EPHA5: variants seen among roughly 807,000 people sequenced by gnomAD.
EPHA5 encodes EPH receptor A5.
In EPHA5, 60 loss-of-function variants were observed where a neutral mutation model predicts 105.0. That is an observed-to-expected ratio of 0.57 (90% confidence interval 0.46 to 0.71). The LOEUF (loss-of-function observed/expected upper bound fraction) is 0.71, where lower values mean the gene tolerates loss of function less well. Among genes scored for constraint, EPHA5 ranks in the 30% least tolerant of loss-of-function variants. The pLI, the probability that EPHA5 is intolerant of heterozygous loss-of-function variation, is 0.00. For synonymous variants in EPHA5, 513 were observed against 449.1 expected, an observed-to-expected ratio of 1.14 and a Z score of -1.80; for missense variants, 1,218 against 1,274.7, an observed-to-expected ratio of 0.96 and a Z score of 0.68.
chr4:65,379,891 T>C (rs923031769), intron 8 of EPHA5, among the ~76,000 whole-genome samples: 8 of 151,790 alleles, frequency 5.3e-5, no homozygotes, highest in Non-Finnish European at 7.4e-5. Flanking sequence ...TTAAGAAAAC[T>C]AAGACAAGTT....
At chr4:65,590,032 C>T (rs573596222) in intron 3 of EPHA5, among the ~76,000 whole-genome samples, 14 of 152,238 alleles carry the variant, frequency 9.2e-5, no homozygotes, top group African/African-American at 3.1e-4. Context: ...TGTGATTCTC[C>T]TTTACAATCA....
At chr4:65,475,027 T>C (rs1466370852) in intron 5 of EPHA5, among the ~76,000 whole-genome samples, 1 of 152,130 alleles carries the variant, frequency 6.6e-6, no homozygotes, top group African/African-American at 2.4e-5. Flanking sequence ...TGTGTACATT[T>C]GATAAAGGAG....
chr4:65,323,929 G>T lies in EPHA5; in HGVS notation c.*185C>A. The T allele has an allele frequency of 2.2e-6, 1 of 457,440 alleles. No homozygotes were observed. Among genetic ancestry groups the T allele is most frequent in the Non-Finnish European group, 3.9e-6 (1 of 254,756 alleles). The allele number at this position is 457,440 out of a possible 1,614,324, so 28.3% of individuals were successfully genotyped here. ...ATATGTTTGCTTCATGAAAAATGAA[G>T]ACTAAGGACTAAGAACTGGATACTT... On this transcript the variant is annotated 3_prime_UTR_variant, in exon 17 of 17. Coordinates refer to ENST00000613740, the MANE Select transcript of EPHA5 (RefSeq NM_001281766.3).
chr4:65,540,367 C>T (rs749506026), intron 3 of EPHA5, among the ~76,000 whole-genome samples: 1 of 151,368 alleles, frequency 6.6e-6, no homozygotes, highest in African/African-American at 2.4e-5. Flanking sequence ...CTGTCACTGG[C>T]AACACTATAG....
At chr4:65,587,569 A>T (rs1465527699) in intron 3 of EPHA5, among the ~76,000 whole-genome samples, 1 of 152,114 alleles carries the variant, frequency 6.6e-6, no homozygotes, top group African/African-American at 2.4e-5. Flanking sequence ...TGTTGAGCTT[A>T]TGCCAAAAGG....
chr4:65,663,698 T>G (rs1277801052), intron 1 of EPHA5, among the ~76,000 whole-genome samples: 1 of 152,022 alleles, frequency 6.6e-6, no homozygotes, highest in African/African-American at 2.4e-5. Flanking sequence ...CACTCAAATA[T>G]TTCTTATTGT....
In EPHA5 at chr4:65,322,717, C is replaced by A; in HGVS notation, c.*1397G>T. On this transcript the variant is annotated 3_prime_UTR_variant, in exon 17 of 17. Coordinates refer to ENST00000613740, the MANE Select transcript of EPHA5 (RefSeq NM_001281766.3). ...TTGGTTCAATAAAATAAACTCAAAGCCATGTAACTGAATACAAACTGAAAT... is the reference window on the plus strand; with the variant it reads ...TTGGTTCAATAAAATAAACTCAAAGACATGTAACTGAATACAAACTGAAAT... The A allele has an allele frequency of 4.4e-6, 1 of 225,540 alleles. No individual in the cohort carries two copies. The highest frequency in any genetic ancestry group is 8.8e-6 in the Non-Finnish European group (1 of 113,366). The allele number at this position is 225,540 out of a possible 1,614,324, so 14.0% of individuals were successfully genotyped here.
Position 65,351,526 on chromosome 4 carries a change from G to T in EPHA5, c.2308C>A (p.Leu770Ile). The T allele has an allele frequency of 6.2e-7, 1 of 1,613,682 alleles. No individual in the cohort carries two copies. The highest frequency in any genetic ancestry group is 8.5e-7 in the Non-Finnish European group (1 of 1,179,800). Residue 770 changes from leucine (L) to isoleucine (I), a missense_variant, in exon 13 of 17, where the codon CTT becomes ATT. This residue lies in a region of EPHA5 where 971 missense variants were observed against 1,013.5 expected (regional missense o/e 0.96). Transcript: ENST00000613740. ...LRGISAGMKY[L>I]SDMGYVHRDL... ...CTATGCACATAGCCCATGTCAGAAA[G>T]GTACTTCATTCCTGCAGAGATACCT...
chr4:65,516,932 G>T (rs1030387444), intron 3 of EPHA5, among the ~76,000 whole-genome samples: 1 of 152,068 alleles, frequency 6.6e-6, no homozygotes, highest in Non-Finnish European at 1.5e-5. Flanking sequence ...ATCTACACTT[G>T]TAAAGAATGT....
chr4:65,495,951 A>G lies in EPHA5; in HGVS notation c.911-408T>C, dbSNP rs1399618158. Among the ~76,000 whole-genome samples the G allele has an allele frequency of 3.3e-5, 5 of 152,326 alleles. No homozygotes were observed. In the East Asian group the frequency reaches 7.7e-4, roughly 24 times the overall value. On this transcript the variant is annotated intron_variant, in intron 3 of 16. Coordinates refer to ENST00000613740, the MANE Select transcript of EPHA5 (RefSeq NM_001281766.3). ...CTGCTAAAATGGTATGATACAAAGT[A>G]GGCACTCAAAATTGTGTTATTGAAT...
chr4:65,554,746 G>A (rs1333920371), intron 3 of EPHA5, among the ~76,000 whole-genome samples: 1 of 151,540 alleles, frequency 6.6e-6, no homozygotes, highest in Non-Finnish European at 1.5e-5. Context: ...TAAGTACTAT[G>A]ATATGAATTA....
At chr4:65,660,532 C>T (rs1749468371) in intron 1 of EPHA5, among the ~76,000 whole-genome samples, 1 of 152,178 alleles carries the variant, frequency 6.6e-6, no homozygotes, top group African/African-American at 2.4e-5. Context: ...TAGGGACTAA[C>T]ATTTTGGTGT....
In EPHA5 at chr4:65,602,115, T is replaced by C. The variant is rs2149440720; in HGVS notation, c.436A>G (p.Thr146Ala). The C allele has an allele frequency of 6.2e-7, 1 of 1,614,110 alleles. No homozygotes were observed. The highest frequency in any genetic ancestry group is 8.5e-7 in the Non-Finnish European group (1 of 1,180,004). ...TACATATTAAAGGTTTCCTTACAGG[T>C]CCCCAGTCCTCCAGGAAGGCTGTTG... is the stretch of plus-strand genomic sequence containing the variant. ...DCNSLPGGLGTCKETFNMYYF... is the reference protein window; with the variant it reads ...DCNSLPGGLGACKETFNMYYF... Residue 146 changes from threonine (T) to alanine (A), a missense_variant, in exon 3 of 17, where the codon ACC becomes GCC. Coordinates refer to ENST00000613740, the MANE Select transcript of EPHA5 (RefSeq NM_001281766.3).
At chr4:65,476,849 A>C (rs1729869669) in intron 5 of EPHA5, among the ~76,000 whole-genome samples, 1 of 152,222 alleles carries the variant, frequency 6.6e-6, no homozygotes, top group Non-Finnish European at 1.5e-5. Context: ...CCTATCTATT[A>C]ATTACAATTA....
chr4:65,581,744 C>T (rs1419464361), intron 3 of EPHA5, among the ~76,000 whole-genome samples: 1 of 151,688 alleles, frequency 6.6e-6, no homozygotes, highest in African/African-American at 2.4e-5. Context: ...AACTAGTTAA[C>T]TTATTGGCAT....
At chr4:65,344,335 T>C in intron 14 of EPHA5, among the ~76,000 whole-genome samples, 1 of 152,134 alleles carries the variant, frequency 6.6e-6, no homozygotes, top group East Asian at 1.9e-4. Context: ...ACAGACCCAC[T>C]GGCCCTCAGG....
chr4:65,363,087 G>A (rs1386942877), intron 11 of EPHA5, among the ~76,000 whole-genome samples: 1 of 151,600 alleles, frequency 6.6e-6, no homozygotes, highest in Admixed American at 6.6e-5. Flanking sequence ...TAGTGAACAT[G>A]AGGGTGTACA....
chr4:65,629,423 A>C (rs1746431937), intron 2 of EPHA5, among the ~76,000 whole-genome samples: 2 of 152,234 alleles, frequency 1.3e-5, no homozygotes, highest in Non-Finnish European at 2.9e-5. Context: ...GTTATGGAAA[A>C]GAATGATGAT....
intron 5 of EPHA5, among the ~76,000 whole-genome samples, chr4:65,482,982 G>T (rs1300429287): frequency 1.3e-5 from 2 of 151,884 alleles, no homozygotes; most frequent in African/African-American, 4.8e-5. Context: ...TTTACATTAG[G>T]TATATCTCCT....
Sources: allele counts gnomAD v4.1 joint callset (sites outside exome capture counted in the v4.1 genomes callset), GRCh38; gene constraint gnomAD v4.1.1; regional missense constraint gnomAD v4.1.1; transcripts MANE v1.5; gene names NCBI Gene and HGNC (gene_info 2026-07-23, HGNC 2026-07-21).